RASAL2: variants seen among roughly 807,000 people sequenced by gnomAD.
The protein encoded by RASAL2 is ras GTPase-activating protein nGAP.
Under a neutral mutation model 128.9 loss-of-function variants are expected in RASAL2, and 58 were observed. That is an observed-to-expected ratio of 0.45 (90% CI 0.36 to 0.56). RASAL2 has a LOEUF of 0.56. RASAL2 is among the 20% of genes least tolerant of loss of function. The pLI is 0.00. For synonymous variants in RASAL2, 561 were observed against 580.8 expected, an observed-to-expected ratio of 0.97 and a Z score of 0.49; for missense variants, 1,360 against 1,601.6, an observed-to-expected ratio of 0.85 and a Z score of 2.57.
rs77350800 is a variant in RASAL2 at position 178,182,390 on chromosome 1, A to T, written c.202+87696A>T. Among the ~76,000 whole-genome samples the T allele has an allele frequency of 1.0e-3, 153 of 152,208 alleles. 6 individuals are homozygous for T. In the East Asian group the frequency reaches 0.025, roughly 25 times the overall value. On this transcript the variant is annotated intron_variant, in intron 1 of 17. Coordinates refer to ENST00000367649, the MANE Select transcript of RASAL2 (RefSeq NM_170692.4). ...AGAGCCCTGGTTCCTTTTATTGGAG[A>T]ATAATATTAGAAGTCATGATCTAGG...
chr1:178,137,215 T>C (rs1195992591), intron 1 of RASAL2, among the ~76,000 whole-genome samples: 2 of 152,196 alleles, frequency 1.3e-5, no homozygotes, highest in Non-Finnish European at 2.9e-5. Context: ...TTATTCTTTT[T>C]TCAAAAGCCA....
chr1:178,398,707 T>C (rs898316396), intron 4 of RASAL2, among the ~76,000 whole-genome samples: 20 of 152,200 alleles, frequency 1.3e-4, no homozygotes, highest in African/African-American at 3.6e-4. Flanking sequence ...TAAAAAATTT[T>C]CCCTTGAATT....
Position 178,244,109 on chromosome 1 carries a change from A to T in RASAL2, c.203-39455A>T, listed in dbSNP as rs74128890. Among the ~76,000 whole-genome samples the T allele has an allele frequency of 5.5e-3, 841 of 152,298 alleles. 11 individuals carry two copies. The highest frequency in any genetic ancestry group is 0.019 in the African/African-American group (789 of 41,550). On this transcript the variant is annotated intron_variant, in intron 1 of 17. Transcript: ENST00000367649. ...AGATTAGCAATTTAACCCTTCAGTC[A>T]GTTTGCACTTATACAGTATTCAGCA...
At chr1:178,448,265 A>C (rs1677147913) in intron 9 of RASAL2, among the ~76,000 whole-genome samples, 1 of 152,234 alleles carries the variant, frequency 6.6e-6, no homozygotes, top group South Asian at 2.1e-4. Context: ...GCATCAGTAG[A>C]GTCAGAAATT....
intron 1 of RASAL2, among the ~76,000 whole-genome samples, chr1:178,199,345 T>G (rs1458035361): frequency 6.6e-6 from 1 of 152,164 alleles, no homozygotes; most frequent in Non-Finnish European, 1.5e-5. Context: ...ATGAACCAGG[T>G]ACCTCAGTTG....
At chr1:178,282,015 A>T (rs189516427) in intron 1 of RASAL2, among the ~76,000 whole-genome samples, 47 of 152,310 alleles carry the variant, frequency 3.1e-4, no homozygotes, top group South Asian at 8.3e-4. Context: ...AAATAATTTA[A>T]GATGCTTAGA....
chr1:178,203,238 A>G (rs1024020874), intron 1 of RASAL2, among the ~76,000 whole-genome samples: 9 of 152,268 alleles, frequency 5.9e-5, no homozygotes, highest in African/African-American at 2.2e-4. Context: ...TGACCAAGGC[A>G]CTCACTTTAT....
chr1:178,238,635 C>T (rs1370662851), intron 1 of RASAL2, among the ~76,000 whole-genome samples: 1 of 151,970 alleles, frequency 6.6e-6, no homozygotes, highest in Non-Finnish European at 1.5e-5. Context: ...CTTTGATCAC[C>T]TCAAGTACCT....
intron 3 of RASAL2, among the ~76,000 whole-genome samples, chr1:178,375,492 G>A (rs975927690): frequency 5.9e-5 from 9 of 152,120 alleles, no homozygotes; most frequent in Non-Finnish European, 1.3e-4. Context: ...CAGTAGTACA[G>A]GTATGCAATA....
intron 1 of RASAL2, among the ~76,000 whole-genome samples, chr1:178,112,758 G>C (rs1420302852): frequency 8.5e-6 from 1 of 117,582 alleles, no homozygotes; most frequent in Non-Finnish European, 1.7e-5. Context: ...GTTGTGGGGT[G>C]GGGGGAGGGA....
chr1:178,424,427 G>C (rs112468284), intron 5 of RASAL2, among the ~76,000 whole-genome samples: 3,822 of 151,756 alleles, frequency 0.025, 80 homozygotes, highest in South Asian at 0.057. Context: ...CAAAATTTTT[G>C]AGATAAACCA....
At chr1:178,249,358 C>T (rs1277905198) in intron 1 of RASAL2, among the ~76,000 whole-genome samples, 2 of 151,810 alleles carry the variant, frequency 1.3e-5, no homozygotes, top group African/African-American at 2.4e-5. Flanking sequence ...GTATGCTTCA[C>T]GAAATTCTCG....
chr1:178,333,565 G>T (rs1303983379), intron 3 of RASAL2, among the ~76,000 whole-genome samples: 1 of 151,848 alleles, frequency 6.6e-6, no homozygotes, highest in Non-Finnish European at 1.5e-5. Flanking sequence ...CAAAAAAATT[G>T]CAACCTCTGG....
At chr1:178,318,300 C>G (rs1359810822) in intron 3 of RASAL2, among the ~76,000 whole-genome samples, 2 of 146,800 alleles carry the variant, frequency 1.4e-5, no homozygotes, top group African/African-American at 2.5e-5. Context: ...CTGTAGATGT[C>G]TATTAGGTCC....
intron 3 of RASAL2, among the ~76,000 whole-genome samples, chr1:178,369,638 A>G (rs1460802100): frequency 6.6e-6 from 1 of 152,182 alleles, no homozygotes; most frequent in Non-Finnish European, 1.5e-5. Context: ...TAAGAGATTT[A>G]ATTTTTCCTT....
At chr1:178,332,073 TA>T (rs1259730959) in intron 3 of RASAL2, among the ~76,000 whole-genome samples, 2 of 152,206 alleles carry the variant, frequency 1.3e-5, no homozygotes, top group South Asian at 2.1e-4. Flanking sequence ...AAACGTGTCA[TA>T]AAAATTTTAG....
chr1:178,176,926 A>G (rs1277864496), intron 1 of RASAL2, among the ~76,000 whole-genome samples: 2 of 152,042 alleles, frequency 1.3e-5, no homozygotes, highest in Non-Finnish European at 2.9e-5. Context: ...CTGGGATTAC[A>G]GGCGTGAGCA....
intron 1 of RASAL2, among the ~76,000 whole-genome samples, chr1:178,186,041 A>G (rs536608946): frequency 1.3e-5 from 2 of 152,040 alleles, no homozygotes; most frequent in African/African-American, 2.4e-5. Context: ...AAAGTTTATT[A>G]TTTATTCAAT....
Position 178,144,178 on chromosome 1 carries a change from C to T in RASAL2, c.202+49484C>T, listed in dbSNP as rs569613063. Among the ~76,000 whole-genome samples, 11 of 152,230 alleles carry T rather than the reference C, an allele frequency of 7.2e-5. No individual in the cohort carries two copies. The South Asian group carries it at 2.1e-3, about 29-fold the overall frequency. ...GAGCCCAGTGGACACTTTCTGTCCT[C>T]CTACTTAACCTCTCTGCACAGATAG... On this transcript the variant is annotated intron_variant, in intron 1 of 17. Transcript: ENST00000367649.
Sources: allele counts gnomAD v4.1 joint callset (sites outside exome capture counted in the v4.1 genomes callset), GRCh38; gene constraint gnomAD v4.1.1; transcripts MANE v1.5; gene names NCBI Gene and HGNC (gene_info 2026-07-23, HGNC 2026-07-21).